Variants in XPR1 observed in about 807,000 individuals in gnomAD.
XPR1 encodes solute carrier family 53 member 1.
XPR1 carries 28 observed loss-of-function variants against 87.5 expected under a neutral mutation model. That is an observed-to-expected ratio of 0.32 (90% CI 0.24 to 0.44). XPR1 has a LOEUF of 0.44. Among genes scored for constraint, XPR1 ranks in the 20% least tolerant of loss-of-function variants. XPR1 has a pLI of 1.00. For synonymous variants in XPR1, 300 were observed against 306.1 expected (o/e 0.98, Z 0.21); for missense variants, 559 against 862.3 (o/e 0.65, Z 4.41).
chr1:180,850,356 A>G (rs1197325286), intron 11 of XPR1, among the ~76,000 whole-genome samples: 1 of 152,092 alleles, frequency 6.6e-6, no homozygotes, highest in Non-Finnish European at 1.5e-5. Context: ...CCTATCTCCT[A>G]TTATATTTCT....
chr1:180,712,408 ATTGT>A (rs1305438660), intron 2 of XPR1, among the ~76,000 whole-genome samples: 6 of 152,296 alleles, frequency 3.9e-5, no homozygotes, highest in African/African-American at 7.2e-5. Context: ...ATCCCTATGA[ATTGT>A]TTATTTCTGG....
At chr1:180,845,313 A>C (rs1253626708) in intron 11 of XPR1, among the ~76,000 whole-genome samples, 1 of 152,202 alleles carries the variant, frequency 6.6e-6, no homozygotes, top group African/African-American at 2.4e-5. Flanking sequence ...CCTTTCCACA[A>C]CTTTTTCCTA....
intron 1 of XPR1, among the ~76,000 whole-genome samples, chr1:180,674,413 C>T (rs12060106): frequency 6.6e-6 from 1 of 152,040 alleles, no homozygotes; most frequent in Non-Finnish European, 1.5e-5. Context: ...CGCCTGCCCC[C>T]ACGCCTGGCA....
chr1:180,713,374 A>C (rs1324265853), intron 2 of XPR1, among the ~76,000 whole-genome samples: 1 of 152,166 alleles, frequency 6.6e-6, no homozygotes, highest in Non-Finnish European at 1.5e-5. Context: ...TTTTAGTTAC[A>C]GTAGCTTTTT....
intron 2 of XPR1, among the ~76,000 whole-genome samples, chr1:180,704,820 T>TTTG (rs1437897506): frequency 1.4e-5 from 2 of 142,746 alleles, no homozygotes; most frequent in African/African-American, 5.1e-5. Flanking sequence ...GGTTGTTTTT[T>TTTG]TTTTTTTTTT....
chr1:180,819,319 A>G (rs1650527083), intron 7 of XPR1, among the ~76,000 whole-genome samples: 1 of 152,192 alleles, frequency 6.6e-6, no homozygotes, highest in South Asian at 2.1e-4. Flanking sequence ...ATTCAGAAGA[A>G]TATATCTTTA....
At chr1:180,777,398 T>G (rs886168142) in intron 2 of XPR1, among the ~76,000 whole-genome samples, 4 of 152,216 alleles carry the variant, frequency 2.6e-5, no homozygotes, top group Non-Finnish European at 4.4e-5. Flanking sequence ...ATTCTACCCT[T>G]TGTATATTTG....
chr1:180,660,128 C>A (rs576739315), intron 1 of XPR1, among the ~76,000 whole-genome samples: 1 of 152,052 alleles, frequency 6.6e-6, no homozygotes, highest in East Asian at 1.9e-4. Flanking sequence ...TATCCATTTT[C>A]TCTAGATTTT....
chr1:180,648,917 A>G (rs1211129863), intron 1 of XPR1, among the ~76,000 whole-genome samples: 1 of 152,194 alleles, frequency 6.6e-6, no homozygotes, highest in Non-Finnish European at 1.5e-5. Flanking sequence ...ATCTCTGATA[A>G]TAATATTTTA....
Position 180,887,985 on chromosome 1 carries a change from T to C in XPR1, c.*3919T>C, listed in dbSNP as rs1653068602. ...TTAACAGACATTCATTGAAGATAAG[T>C]GAAATAACTTTGGAGATAGCAGAGA... is the stretch of plus-strand genomic sequence containing the variant. On this transcript the variant is annotated 3_prime_UTR_variant, in exon 15 of 15. Coordinates refer to ENST00000367590, the MANE Select transcript of XPR1 (RefSeq NM_004736.4). 6.6e-6 allele frequency: 1 copy of C among 152,162 alleles called. No homozygotes were observed. Among genetic ancestry groups the C allele is most frequent in the Non-Finnish European group, 1.5e-5 (1 of 68,030 alleles). The allele number at this position is 152,162 out of a possible 1,614,324, so 9.4% of individuals were successfully genotyped here.
chr1:180,736,792 A>G (rs1214307799), intron 2 of XPR1, among the ~76,000 whole-genome samples: 2 of 152,182 alleles, frequency 1.3e-5, no homozygotes, highest in Non-Finnish European at 2.9e-5. Flanking sequence ...AGTGGAGACC[A>G]AAAAGAGATG....
At chr1:180,788,316 A>G (rs1201820895) in intron 3 of XPR1, among the ~76,000 whole-genome samples, 2 of 152,190 alleles carry the variant, frequency 1.3e-5, no homozygotes. Context: ...AAAATATTGG[A>G]ACTTATATAT....
intron 2 of XPR1, among the ~76,000 whole-genome samples, chr1:180,781,683 T>C (rs1475310827): frequency 1.3e-5 from 2 of 151,808 alleles, no homozygotes; most frequent in Non-Finnish European, 2.9e-5. Context: ...TTTATTATTA[T>C]TATACTTTAA....
Position 180,825,186 on chromosome 1 carries a change from T to C in XPR1, c.976T>C (p.Leu326=), listed in dbSNP as rs1650784831. 6.2e-7 allele frequency: 1 copy of C among 1,612,596 alleles called. No individual in the cohort carries two copies. The highest frequency in any genetic ancestry group is 1.3e-5 in the African/African-American group (1 of 74,884). Residue 326 remains leucine, a synonymous_variant, in exon 9 of 15, where the codon TTG becomes CTG. Coordinates refer to ENST00000367590, the MANE Select transcript of XPR1 (RefSeq NM_004736.4). The part of the protein sequence containing the change: ...LFEIAGFLGI[L]WCLSLLACFF... ...CTAGATTGCTGGATTCCTCGGGATA[T>C]TGTGGTGCCTGAGCCTTCTGGCATG...
chr1:180,632,192 A>G lies in XPR1; in HGVS notation c.-10A>G. 6.2e-7 allele frequency: 1 copy of G among 1,604,572 alleles called. No homozygotes were observed. The highest frequency in any genetic ancestry group is 8.5e-7 in the Non-Finnish European group (1 of 1,175,614). ...CTGGACCCGAGTGGGAGTGAGGGGG[A>G]AACGGCAGGATGAAGTTCGCCGAGC... On this transcript the variant is annotated 5_prime_UTR_variant, in exon 1 of 15. Coordinates refer to ENST00000367590, the MANE Select transcript of XPR1 (RefSeq NM_004736.4).
chr1:180,881,150 C>G (rs989458705), intron 14 of XPR1, among the ~76,000 whole-genome samples: 2 of 151,754 alleles, frequency 1.3e-5, no homozygotes, highest in Non-Finnish European at 2.9e-5. Context: ...ATCTTGTAGG[C>G]AGGAATGAGT....
intron 2 of XPR1, among the ~76,000 whole-genome samples, chr1:180,770,450 A>G (rs542105670): frequency 2.0e-5 from 3 of 152,128 alleles, no homozygotes; most frequent in Non-Finnish European, 2.9e-5. Flanking sequence ...CTCTATCCCC[A>G]CGGCCTCATC....
At chr1:180,679,088 G>C (rs539533466) in intron 1 of XPR1, among the ~76,000 whole-genome samples, 1 of 151,972 alleles carries the variant, frequency 6.6e-6, no homozygotes, top group Non-Finnish European at 1.5e-5. Context: ...CCAGCTACTC[G>C]GGAGGCTGAG....
intron 1 of XPR1, among the ~76,000 whole-genome samples, chr1:180,659,892 G>A (rs1450322925): frequency 6.6e-6 from 1 of 151,990 alleles, no homozygotes; most frequent in Non-Finnish European, 1.5e-5. Flanking sequence ...AATGAGTTTT[G>A]GAAGTATTCC....
Sources: gnomAD v4.1 joint callset for allele counts (sites outside exome capture counted in the v4.1 genomes callset) on GRCh38, gnomAD v4.1.1 for gene constraint, MANE v1.5 for transcripts, NCBI Gene and HGNC (gene_info 2026-07-23, HGNC 2026-07-21) for gene names.